Variants in SYCP2 observed in about 807,000 individuals in gnomAD.
SYCP2 encodes the protein synaptonemal complex lateral element protein.
In SYCP2, 55 loss-of-function variants were observed where a neutral mutation model predicts 211.3. That is an observed-to-expected ratio of 0.26 (90% CI 0.21 to 0.33). SYCP2 has a LOEUF of 0.33. SYCP2 is among the 10% of genes least tolerant of loss of function. SYCP2 has a pLI of 1.00. For synonymous variants in SYCP2, 570 were observed against 555.2 expected (o/e 1.03, Z -0.37); for missense variants, 1,731 against 1,752.0 (o/e 0.99, Z 0.21).
At chr20:59,881,832 A>T in intron 28 of SYCP2, 113 bp downstream of exon 28, 2 of 710,338 alleles carry the variant, frequency 2.8e-6, no homozygotes, top group Non-Finnish European at 4.4e-6. Context: ...TATATTTCTT[A>T]AAAATTTTAA....
At chr20:59,869,012 T>C in intron 36 of SYCP2, 87 bp from the exon 37 acceptor site, 1 of 825,660 alleles carries the variant, frequency 1.2e-6, no homozygotes, top group South Asian at 1.7e-5. Flanking sequence ...CAAAAACCAA[T>C]AATTTTAAAT....
chr20:59,871,411 T>G (rs1048403243), intron 35 of SYCP2, among the ~76,000 whole-genome samples: 2 of 151,854 alleles, frequency 1.3e-5, no homozygotes, highest in African/African-American at 4.8e-5. Context: ...AAAGCAAATT[T>G]CCAACACCTT....
At chr20:59,872,852 C>T (rs2059480367) in intron 35 of SYCP2, among the ~76,000 whole-genome samples, 1 of 151,946 alleles carries the variant, frequency 6.6e-6, no homozygotes, top group Admixed American at 6.6e-5. Flanking sequence ...CTTTAATAAA[C>T]TTTAGTTACA....
rs1396545317 is a variant in SYCP2 at position 59,875,301 on chromosome 20, C to T, written c.3319G>A (p.Gly1107Ser). The change falls in exon 34 of 45, where the codon GGC becomes AGC. Residue 1107 changes from glycine (G) to serine (S), a missense_variant. Physicochemically the swap from Gly to Ser is moderately conservative, Grantham distance 56. This residue lies in a region of SYCP2 where 1,387 missense variants were observed against 1,351.3 expected (regional missense o/e 1.03). Transcript: ENST00000357552. ...GTTACTTCTATAGATGATGGACTGC[C>T]AGATAAAGATCTGGGAGATAAGTCA... is the stretch of plus-strand genomic sequence containing the variant. ...CLDLSPRSLS[G>S]SPSSIEVTRC... is the part of the protein sequence containing the mutation. 3 of 1,608,578 alleles carry T rather than the reference C, an allele frequency of 1.9e-6. No individual in the cohort carries two copies. The highest frequency in any genetic ancestry group is 8.5e-7 in the Non-Finnish European group (1 of 1,177,192).
In SYCP2 at chr20:59,933,580, G is replaced by C. The variant is rs146305997; in HGVS notation, c.-151C>G. On this transcript the variant is annotated 5_prime_UTR_variant, in exon 1 of 45. Transcript: ENST00000357552. The stretch of plus-strand genomic sequence containing the variant: ...TCTGCTCAACCTGCCTGCGGCAGGA[G>C]GCGTCCGCGTAGTGTCGGTGGAGCC... 0.019 allele frequency: 2,943 copies of C among 152,264 alleles called. 40 individuals carry two copies. The highest frequency in any genetic ancestry group is 0.038 in the Middle Eastern group (11 of 292). The allele number at this position is 152,264 out of a possible 1,614,324, so 9.4% of individuals were successfully genotyped here.
rs1421082867 is a variant in SYCP2, at chr20:59,882,143, T to C, written c.2552A>G (p.Tyr851Cys). Residue 851 changes from tyrosine to cysteine, a missense_variant, in exon 27 of 45, where the codon TAC (tyrosine) becomes TGC (cysteine). By Grantham distance (194) the Tyr-to-Cys change is radical (BLOSUM62 -2). This residue lies in a region of SYCP2 where 1,387 missense variants were observed against 1,351.3 expected (regional missense o/e 1.03). Transcript: ENST00000357552. ...AACAAAGGTAGTCTTCAGTTTTCTG[T>C]AGCTTTTTTTCTGAACTTTTTCCTG... is the stretch of plus-strand genomic sequence containing the variant. ...LSKEKVQKKS[Y>C]RKLKTTFVNV... 6.2e-7 allele frequency: 1 copy of C among 1,612,684 alleles called. No homozygotes were observed. The highest frequency in any genetic ancestry group is 8.5e-7 in the Non-Finnish European group (1 of 1,179,210).
At chr20:59,925,991 C>G (rs572428196) in intron 2 of SYCP2, among the ~76,000 whole-genome samples, 104 of 152,106 alleles carry the variant, frequency 6.8e-4, no homozygotes, top group African/African-American at 2.5e-3. Context: ...AGAATTCTTC[C>G]TAACCCCACC....
chr20:59,874,124 G>T, intron 34 of SYCP2, 63 bp from the exon 35 acceptor site: 2 of 764,662 alleles, frequency 2.6e-6, no homozygotes, highest in Non-Finnish European at 2.0e-6. Context: ...GTCTGCTTTA[G>T]AAATAGCACG....
At chr20:59,895,411 T>C in intron 20 of SYCP2, 26 bp downstream of exon 20, 1 of 1,560,204 alleles carries the variant, frequency 6.4e-7, no homozygotes, top group Non-Finnish European at 8.7e-7. Context: ...AAAAATATTT[T>C]TAAAATACTT....
rs1436888326 is a variant in SYCP2, at chr20:59,895,547, A to C, written c.1555T>G (p.Ser519Ala). 6.2e-7 allele frequency: 1 copy of C among 1,610,820 alleles called. No individual in the cohort carries two copies. Among genetic ancestry groups the C allele is most frequent in the Admixed American group, 1.7e-5 (1 of 59,736 alleles). ...RIKPPLQMTS[S>A]AEKPSVSQTS... is the part of the protein sequence containing the mutation. The stretch of plus-strand genomic sequence containing the variant: ...TGAGAAACACTAGGTTTCTCTGCAG[A>C]GCTCGTCATTTGCAGTGGTGGTTTA... Residue 519 changes from serine to alanine, a missense_variant, in exon 20 of 45, where the codon TCT becomes GCT. By Grantham distance (99) the Ser-to-Ala change is moderately conservative. This residue lies in a region of SYCP2 where 1,387 missense variants were observed against 1,351.3 expected (regional missense o/e 1.03). Transcript: ENST00000357552.
chr20:59,870,818 T>C (rs1173714717), intron 35 of SYCP2, among the ~76,000 whole-genome samples: 2 of 151,796 alleles, frequency 1.3e-5, no homozygotes, highest in African/African-American at 4.8e-5. Flanking sequence ...TCCAGGCCCA[T>C]GTGATCACCC....
At chr20:59,874,673 G>C (rs2059519647) in intron 34 of SYCP2, among the ~76,000 whole-genome samples, 1 of 151,918 alleles carries the variant, frequency 6.6e-6, no homozygotes, top group Admixed American at 6.6e-5. Context: ...GAAATGATTA[G>C]CATTTAGAAA....
chr20:59,922,057 T>TA (rs2060551842), intron 3 of SYCP2, among the ~76,000 whole-genome samples: 1 of 151,638 alleles, frequency 6.6e-6, no homozygotes, highest in Admixed American at 6.6e-5. Context: ...TATTAACACT[T>TA]ACACTTTACC....
intron 26 of SYCP2, among the ~76,000 whole-genome samples, chr20:59,883,463 G>C (rs1354617232): frequency 6.6e-6 from 1 of 152,030 alleles, no homozygotes; most frequent in African/African-American, 2.4e-5. Flanking sequence ...CATATGAATG[G>C]ATAAAGAAAT....
In SYCP2 at chr20:59,918,411, T is replaced by C. The variant is rs993899183; in HGVS notation, c.427+747A>G. On this transcript the variant is annotated intron_variant, in intron 7 of 44. Coordinates refer to ENST00000357552, the MANE Select transcript of SYCP2 (RefSeq NM_014258.4). ...AGCAACATCTCCATTTCCACACAAA[T>C]TTGCAGGGAATATATTTTTTCCAAA... Among the ~76,000 whole-genome samples the C allele has an allele frequency of 4.6e-5, 7 of 152,164 alleles. No individual in the cohort carries two copies. The East Asian group carries it at 1.3e-3, about 29-fold the overall frequency.
chr20:59,882,049 C>G, intron 27 of SYCP2, 46 bp downstream of exon 27: 4 of 1,597,858 alleles, frequency 2.5e-6, no homozygotes, highest in Non-Finnish European at 2.6e-6. Context: ...TATGTGTAGT[C>G]TCTTCAAATA....
intron 15 of SYCP2, among the ~76,000 whole-genome samples, chr20:59,906,588 A>T (rs908303436): frequency 6.6e-6 from 1 of 152,152 alleles, no homozygotes; most frequent in African/African-American, 2.4e-5. Context: ...CTAAAACTAT[A>T]AAATTTTTGT....
Position 59,911,813 on chromosome 20 carries a change from T to C in SYCP2, c.909A>G (p.Glu303=). 6.3e-7 allele frequency: 1 copy of C among 1,586,242 alleles called. No homozygotes were observed. The highest frequency in any genetic ancestry group is 8.6e-7 in the Non-Finnish European group (1 of 1,163,150). Residue 303 remains glutamate (E), a synonymous_variant, in exon 14 of 45, where the codon GAA becomes GAG. Transcript: ENST00000357552. ...LQIPSDEKLE[E]FWIDFNLGSQ... is the part of the protein sequence containing the mutation. Reference sequence around the variant, plus strand: ...TCCCAAGATTAAAATCAATCCAAAATTCCTCAAGTTTTTCATCTGATGGTA... The same window carrying C: ...TCCCAAGATTAAAATCAATCCAAAACTCCTCAAGTTTTTCATCTGATGGTA...
intron 35 of SYCP2, among the ~76,000 whole-genome samples, chr20:59,870,761 GAGAT>G (rs1177000369): frequency 1.3e-5 from 2 of 151,764 alleles, no homozygotes; most frequent in Non-Finnish European, 2.9e-5. Flanking sequence ...TATTAGCACA[GAGAT>G]AGATAAACAG....
Sources: gnomAD v4.1 joint callset for allele counts (sites outside exome capture counted in the v4.1 genomes callset) on GRCh38, gnomAD v4.1.1 for gene constraint, gnomAD v4.1.1 regional missense constraint, MANE v1.5 for transcripts, NCBI Gene and HGNC (gene_info 2026-07-23, HGNC 2026-07-21) for gene names.